EYS: variants seen among roughly 807,000 people sequenced by gnomAD.
EYS encodes EGF-like photoreceptor maintenance factor.
EYS carries 250 observed loss-of-function variants against 282.1 expected under a neutral mutation model. The observed-to-expected ratio is 0.89, with a 90% CI of 0.80 to 0.98. The LOEUF is 0.98. Among genes scored for constraint, EYS ranks in the 50% least tolerant of loss-of-function variants. EYS has a pLI of 0.00. For missense variants in EYS, 4,016 were observed against 3,709.0 expected, an observed-to-expected ratio of 1.08 and a Z score of -2.15; for synonymous variants, 1,355 against 1,282.9, an observed-to-expected ratio of 1.06 and a Z score of -1.20.
chr6:64,917,302 T>G (rs971363066), intron 15 of EYS, among the ~76,000 whole-genome samples: 2 of 152,078 alleles, frequency 1.3e-5, no homozygotes, highest in Non-Finnish European at 2.9e-5. Context: ...AAATGTCAAT[T>G]TCTAATGACT....
intron 29 of EYS, among the ~76,000 whole-genome samples, chr6:64,370,384 G>A (rs1295610012): frequency 6.6e-6 from 1 of 152,090 alleles, no homozygotes; most frequent in Non-Finnish European, 1.5e-5. Flanking sequence ...CTTGATCATG[G>A]TGGATTAGCT....
chr6:64,757,573 A>T (rs973848672), intron 22 of EYS, among the ~76,000 whole-genome samples: 2 of 152,140 alleles, frequency 1.3e-5, no homozygotes, highest in Non-Finnish European at 2.9e-5. Context: ...AAATGTATGC[A>T]TCTGCTTAAC....
chr6:65,438,568 A>G (rs1026014357), intron 5 of EYS, among the ~76,000 whole-genome samples: 9 of 152,142 alleles, frequency 5.9e-5, no homozygotes, highest in Non-Finnish European at 1.3e-4. Context: ...GTGAGATGCT[A>G]TCTCATTGTG....
At chr6:64,963,772 T>C (rs1770004732) in intron 14 of EYS, among the ~76,000 whole-genome samples, 1 of 152,194 alleles carries the variant, frequency 6.6e-6, no homozygotes, top group Non-Finnish European at 1.5e-5. Flanking sequence ...ATTCATTTTG[T>C]CAGATGAGTG....
intron 26 of EYS, among the ~76,000 whole-genome samples, chr6:64,538,227 T>C (rs1051333326): frequency 6.6e-6 from 1 of 152,306 alleles, no homozygotes; most frequent in South Asian, 2.1e-4. Context: ...ATGTACTACC[T>C]AATGGTTATC....
At chr6:64,231,898 G>A (rs1447210380) in intron 30 of EYS, among the ~76,000 whole-genome samples, 1 of 152,016 alleles carries the variant, frequency 6.6e-6, no homozygotes, top group Non-Finnish European at 1.5e-5. Flanking sequence ...AAAACCTTGT[G>A]CAATAAAAAT....
chr6:65,142,797 T>C (rs1764379685), intron 12 of EYS, among the ~76,000 whole-genome samples: 1 of 151,996 alleles, frequency 6.6e-6, no homozygotes, highest in Non-Finnish European at 1.5e-5. Context: ...TGACTTCTCA[T>C]CTAAAACTAT....
chr6:65,054,734 C>G (rs1266613088), intron 13 of EYS, among the ~76,000 whole-genome samples: 1 of 151,720 alleles, frequency 6.6e-6, no homozygotes, highest in African/African-American at 2.4e-5. Context: ...CTTGTTTTTG[C>G]TTTTTTGTTT....
At chr6:64,852,291 C>T (rs1430915812) in intron 19 of EYS, among the ~76,000 whole-genome samples, 2 of 152,100 alleles carry the variant, frequency 1.3e-5, no homozygotes, top group Non-Finnish European at 2.9e-5. Context: ...TGGGTGGGGA[C>T]CATGTAATCA....
chr6:64,591,908 T>C lies in EYS; in HGVS notation c.3959A>G (p.Glu1320Gly), dbSNP rs1766424655. The change falls in exon 26 of 43, where the codon GAA becomes GGA. Residue 1320 changes from glutamate to glycine, a missense_variant. Coordinates refer to ENST00000503581, the MANE Select transcript of EYS (RefSeq NM_001142800.2). The stretch of plus-strand genomic sequence containing the variant: ...AATCAGTTCTTGGAGTAAGTAGCTT[T>C]CCAAGGGTGTGCTAATTCTTAATGT... The part of the protein sequence containing the change: ...LATLRISTPL[E>G]SYLLQELIVT... 1 of 1,548,768 alleles carries C rather than the reference T, an allele frequency of 6.5e-7. No individual in the cohort carries two copies.
At chr6:63,960,287 C>G (rs757836672) in intron 35 of EYS, among the ~76,000 whole-genome samples, 2 of 152,134 alleles carry the variant, frequency 1.3e-5, no homozygotes, top group Non-Finnish European at 2.9e-5. Flanking sequence ...GCTGAAAAAG[C>G]AAGAGAACTA....
At chr6:65,516,245 C>A (rs1767130464) in intron 2 of EYS, among the ~76,000 whole-genome samples, 1 of 151,904 alleles carries the variant, frequency 6.6e-6, no homozygotes, top group African/African-American at 2.4e-5. Flanking sequence ...ATGAATAAAC[C>A]TTTTATTTAT....
intron 36 of EYS, among the ~76,000 whole-genome samples, chr6:63,843,678 T>C (rs1243945671): frequency 6.6e-6 from 1 of 152,116 alleles, no homozygotes; most frequent in African/African-American, 2.4e-5. Flanking sequence ...AGCATTCCCG[T>C]TGAAAACCAG....
chr6:65,647,552 C>T (rs1346553031), intron 1 of EYS, among the ~76,000 whole-genome samples: 1 of 152,074 alleles, frequency 6.6e-6, no homozygotes, highest in Admixed American at 6.6e-5. Context: ...AGACCTGAAA[C>T]CATAAAGATT....
At chr6:65,514,733 C>T (rs989656932) in intron 2 of EYS, among the ~76,000 whole-genome samples, 15 of 152,188 alleles carry the variant, frequency 9.9e-5, no homozygotes, top group Admixed American at 4.6e-4. Flanking sequence ...AACTGGCTAG[C>T]CATATGTACA....
chr6:65,540,237 A>T (rs1768111938), intron 2 of EYS, among the ~76,000 whole-genome samples: 1 of 152,172 alleles, frequency 6.6e-6, no homozygotes, highest in African/African-American at 2.4e-5. Flanking sequence ...ATTCTAAGAA[A>T]ATGGAACAAA....
At chr6:63,802,384 C>A (rs1031961147) in intron 37 of EYS, among the ~76,000 whole-genome samples, 5 of 151,850 alleles carry the variant, frequency 3.3e-5, no homozygotes, top group Non-Finnish European at 7.4e-5. Flanking sequence ...TTGATAGATG[C>A]AGCAAACTAC....
intron 5 of EYS, among the ~76,000 whole-genome samples, chr6:65,426,371 T>A (rs753854012): frequency 6.6e-6 from 1 of 152,088 alleles, no homozygotes; most frequent in Non-Finnish European, 1.5e-5. Flanking sequence ...AATACAGGGG[T>A]AACCTTGCAT....
chr6:64,865,799 G>A (rs77362311), intron 19 of EYS, among the ~76,000 whole-genome samples: 6,553 of 152,118 alleles, frequency 0.043, 201 homozygotes, highest in East Asian at 0.17. Context: ...CTAGACTGAT[G>A]TAGCTGCAAT....
Sources: allele counts gnomAD v4.1 joint callset (sites outside exome capture counted in the v4.1 genomes callset), GRCh38; gene constraint gnomAD v4.1.1; transcripts MANE v1.5; gene names NCBI Gene and HGNC (gene_info 2026-07-23, HGNC 2026-07-21).